The following DLG2 variants were observed in gnomAD, a reference collection of about 807,000 sequenced individuals.
The protein encoded by DLG2 is disks large homolog 2.
A neutral mutation model predicts 132.5 loss-of-function variants in DLG2; 45 were observed. The ratio of observed to expected loss-of-function variants is 0.34; its 90% confidence interval spans 0.27 to 0.44. DLG2 has a LOEUF of 0.44. Among genes scored for constraint, DLG2 ranks in the 20% least tolerant of loss-of-function variants. DLG2 has a pLI of 1.00. For missense variants in DLG2, 1,045 were observed against 1,196.9 expected, an observed-to-expected ratio of 0.87 and a Z score of 1.87; for synonymous variants, 424 against 419.6, an observed-to-expected ratio of 1.01 and a Z score of -0.13.
chr11:85,270,931 C>T (rs928701658), intron 4 of DLG2, among the ~76,000 whole-genome samples: 1 of 152,112 alleles, frequency 6.6e-6, no homozygotes, highest in Non-Finnish European at 1.5e-5. Flanking sequence ...AATTTGCAGC[C>T]TGACAATCCG....
At chr11:84,959,590 C>T (rs2052228956) in intron 6 of DLG2, among the ~76,000 whole-genome samples, 1 of 152,104 alleles carries the variant, frequency 6.6e-6, no homozygotes, top group Admixed American at 6.6e-5. Context: ...GTGCCTACTA[C>T]CATGTTAGTT....
chr11:84,674,064 A>G (rs2099708815), intron 6 of DLG2, among the ~76,000 whole-genome samples: 1 of 152,190 alleles, frequency 6.6e-6, no homozygotes, highest in Non-Finnish European at 1.5e-5. Context: ...AACTCTTAGA[A>G]AAACTTTTCT....
chr11:84,041,700 G>A (rs932250003), intron 11 of DLG2, among the ~76,000 whole-genome samples: 5 of 151,732 alleles, frequency 3.3e-5, no homozygotes, highest in African/African-American at 1.2e-4. Context: ...ATAGTTGTAC[G>A]CTTTCATTTT....
rs572676281 is a variant in DLG2, at chr11:84,420,524, T to C, written c.519+114046A>G. ...ATCAAATGCCTAAGGCATTGTGTTA[T>C]TCAAGCAAAATTTCAGGAGGAAAAA... On this transcript the variant is annotated intron_variant, in intron 7 of 27. Transcript: ENST00000376104. Among the ~76,000 whole-genome samples the C allele has an allele frequency of 7.2e-5, 11 of 152,270 alleles. No homozygotes were observed. The East Asian group carries it at 2.1e-3, about 29-fold the overall frequency.
At chr11:84,241,611 A>AC (rs2097227090) in intron 8 of DLG2, among the ~76,000 whole-genome samples, 1 of 152,072 alleles carries the variant, frequency 6.6e-6, no homozygotes, top group African/African-American at 2.4e-5. Flanking sequence ...GAAAAAAAAA[A>AC]CCCACCAGGA....
At chr11:83,461,903 GT>G in intron 27 of DLG2, 98 bp downstream of exon 27, 1 of 798,958 alleles carries the variant, frequency 1.3e-6, no homozygotes. Context: ...CAACAGGAAG[GT>G]TTTAGGGCAC....
intron 3 of DLG2, among the ~76,000 whole-genome samples, chr11:85,532,582 A>G (rs2075281915): frequency 6.6e-6 from 1 of 152,242 alleles, no homozygotes; most frequent in African/African-American, 2.4e-5. Context: ...ACCTATATGT[A>G]TGGTCTACAG....
At chr11:85,441,199 GA>G (rs2091760728) in intron 3 of DLG2, among the ~76,000 whole-genome samples, 2 of 152,110 alleles carry the variant, frequency 1.3e-5, no homozygotes, top group South Asian at 4.2e-4. Flanking sequence ...ATATCCCACA[GA>G]AAGCACAGCT....
intron 18 of DLG2, among the ~76,000 whole-genome samples, chr11:83,728,611 C>T (rs561078896): frequency 6.6e-6 from 1 of 152,326 alleles, no homozygotes; most frequent in African/African-American, 2.4e-5. Context: ...ACTGGTATGA[C>T]CCAACATAGC....
At chr11:85,233,696 A>ATTTTTTTTTTTTTTTTTTTT (rs547235876) in intron 4 of DLG2, among the ~76,000 whole-genome samples, 1 of 131,366 alleles carries the variant, frequency 7.6e-6, no homozygotes, top group African/African-American at 2.8e-5. Flanking sequence ...TGGATCCTTA[A>ATTTTTTTTTTTTTTTTTTTT]TTTTTTTTTT....
intron 15 of DLG2, among the ~76,000 whole-genome samples, chr11:83,929,815 C>T (rs868643221): frequency 6.6e-6 from 1 of 151,990 alleles, no homozygotes; most frequent in African/African-American, 2.4e-5. Context: ...CCAACTAATC[C>T]TGTAGTTTTG....
chr11:83,681,252 T>A (rs1434235043), intron 18 of DLG2, among the ~76,000 whole-genome samples: 2 of 152,096 alleles, frequency 1.3e-5, no homozygotes, highest in African/African-American at 4.8e-5. Context: ...TCTAAGAAGG[T>A]ACAGCTTTCA....
At chr11:83,543,706 T>A (rs927249483) in intron 19 of DLG2, among the ~76,000 whole-genome samples, 1 of 152,172 alleles carries the variant, frequency 6.6e-6, no homozygotes, top group South Asian at 2.1e-4. Context: ...TGGCACACAG[T>A]GACAAATAGT....
In DLG2 at chr11:84,758,552, A is replaced by T. The variant is rs923275869; in HGVS notation, c.358-223821T>A. Among the ~76,000 whole-genome samples, 48 of 152,214 alleles carry T rather than the reference A, an allele frequency of 3.2e-4. 1 individual carries two copies. The highest frequency in any genetic ancestry group is 1.0e-3 in the African/African-American group (42 of 41,544). ...TTACTCTTCTGAACACTGTTTTCTG[A>T]TACTGATTCATTCTGTTTCTTACCC... On this transcript the variant is annotated intron_variant, in intron 6 of 27. Transcript: ENST00000376104.
chr11:84,693,520 G>A (rs1415327480), intron 6 of DLG2, among the ~76,000 whole-genome samples: 2 of 151,590 alleles, frequency 1.3e-5, no homozygotes, highest in Non-Finnish European at 3.0e-5. Context: ...TCCTGCCACC[G>A]GTGCCTCTCC....
intron 4 of DLG2, among the ~76,000 whole-genome samples, chr11:85,196,088 G>A (rs757414496): frequency 3.3e-5 from 5 of 152,228 alleles, no homozygotes; most frequent in East Asian, 3.9e-4. Context: ...TCCACCCAGC[G>A]TTGCCTCCTT....
Position 84,402,973 on chromosome 11 carries a change from A to G in DLG2, c.519+131597T>C, listed in dbSNP as rs542746878. Among the ~76,000 whole-genome samples, 5 of 149,580 alleles carry G rather than the reference A, an allele frequency of 3.3e-5. No individual in the cohort carries two copies. In the South Asian group the frequency reaches 1.0e-3, roughly 31 times the overall value. ...AAGCTTTATATAACAGAAAAGGAAG[A>G]ATTCCATTCCCCCACTCCAATTCTC... is the stretch of plus-strand genomic sequence containing the variant. On this transcript the variant is annotated intron_variant, in intron 7 of 27. Coordinates refer to ENST00000376104, the MANE Select transcript of DLG2 (RefSeq NM_001142699.3).
At chr11:85,205,434 C>T (rs76419806) in intron 4 of DLG2, among the ~76,000 whole-genome samples, 13,837 of 151,824 alleles carry the variant, frequency 0.091, 815 homozygotes, top group African/African-American at 0.17. Flanking sequence ...GGTACAAAAA[C>T]ACAGTTCAAT....
intron 17 of DLG2, among the ~76,000 whole-genome samples, chr11:83,828,439 C>G (rs1383743865): frequency 6.6e-6 from 1 of 152,174 alleles, no homozygotes; most frequent in African/African-American, 2.4e-5. Flanking sequence ...TACTGGTGTC[C>G]TGTAAGTTAC....
Sources: gnomAD v4.1 joint callset for allele counts (sites outside exome capture counted in the v4.1 genomes callset) on GRCh38, gnomAD v4.1.1 for gene constraint, MANE v1.5 for transcripts, NCBI Gene and HGNC (gene_info 2026-07-23, HGNC 2026-07-21) for gene names.